Variants in CDKAL1 observed in about 807,000 individuals in gnomAD.
The protein encoded by CDKAL1 is threonylcarbamoyladenosine tRNA methylthiotransferase.
CDKAL1 carries 32 observed loss-of-function variants against 68.2 expected under a neutral mutation model. That is an observed-to-expected ratio of 0.47 (90% CI 0.35 to 0.63). The LOEUF (loss-of-function observed/expected upper bound fraction) is 0.63. Among genes scored for constraint, CDKAL1 ranks in the 30% least tolerant of loss-of-function variants. The probability of loss-of-function intolerance (pLI) is 0.00; values close to 1 mark genes in which losing one functional copy is unlikely to be tolerated. For missense variants in CDKAL1, 606 were observed against 696.7 expected (o/e 0.87, Z 1.47); for synonymous variants, 234 against 244.3 (o/e 0.96, Z 0.39).
At chr6:20,747,001 C>G (rs904904193) in intron 6 of CDKAL1, among the ~76,000 whole-genome samples, 1 of 152,086 alleles carries the variant, frequency 6.6e-6, no homozygotes, top group Non-Finnish European at 1.5e-5. Flanking sequence ...TTTTCTCCCC[C>G]TCCCCACCCC....
chr6:21,205,830 C>CTTTTTTTTTTTTTTTTTTT (rs34849597), intron 15 of CDKAL1, among the ~76,000 whole-genome samples: 3 of 66,602 alleles, frequency 4.5e-5, no homozygotes, highest in African/African-American at 2.6e-4. Context: ...CGCGCCCAGC[C>CTTTTTTTTTTTTTTTTTTT]TTTTTTTTTT....
rs146082721 is a variant in CDKAL1 at position 20,567,997 on chromosome 6, T to A, written c.286+19292T>A. 3.5e-3 allele frequency among the ~76,000 whole-genome samples: 525 copies of A among 152,126 alleles called. 3 individuals are homozygous for A. Among genetic ancestry groups the A allele is most frequent in the African/African-American group, 0.012 (498 of 41,528 alleles). ...TTCACGCCATTCTCTCACCTCAGCC[T>A]CCTAAGTAGCTGGGACCACAGGCGC... On this transcript the variant is annotated intron_variant, in intron 4 of 15. Transcript: ENST00000274695.
At chr6:20,799,045 T>TTTG (rs1776247399) in intron 8 of CDKAL1, among the ~76,000 whole-genome samples, 1 of 104,402 alleles carries the variant, frequency 9.6e-6, no homozygotes, top group African/African-American at 3.9e-5. Flanking sequence ...ACTGAGTTTT[T>TTTG]TTTTTTTTTT....
chr6:21,204,395 T>C (rs115200647), intron 15 of CDKAL1, among the ~76,000 whole-genome samples: 1,720 of 152,324 alleles, frequency 0.011, 35 homozygotes, highest in African/African-American at 0.038. Flanking sequence ...ATTTACATTT[T>C]ATTTCATCTA....
intron 12 of CDKAL1, among the ~76,000 whole-genome samples, chr6:21,093,518 T>C (rs368151030): frequency 5.9e-5 from 9 of 152,070 alleles, no homozygotes; most frequent in Admixed American, 5.9e-4. Context: ...AGCTGGAGAA[T>C]AGACAGATTG....
rs1369336470 is a variant in CDKAL1, at chr6:21,147,800, G to C, written c.1299+39337G>C. 5.0e-5 allele frequency among the ~76,000 whole-genome samples: 7 copies of C among 138,762 alleles called. No homozygotes were observed. The South Asian group carries it at 1.2e-3, about 23-fold the overall frequency. 91.0% of individuals were successfully genotyped at this position (138,762 alleles called of 152,430 possible). A position where few individuals can be genotyped will look rare whatever the true frequency, so the allele number is the denominator to read the frequency against. On this transcript the variant is annotated intron_variant, in intron 13 of 15. Coordinates refer to ENST00000274695, the MANE Select transcript of CDKAL1 (RefSeq NM_017774.3). ...AATCTTTTGCAACAAGCTATAAAAT[G>C]ATTTTTTTTTGTCTTTAATTAAACA...
intron 11 of CDKAL1, among the ~76,000 whole-genome samples, chr6:21,003,371 T>TATATATATACACACACACACACACAC: frequency 2.0e-5 from 1 of 49,304 alleles, no homozygotes; most frequent in African/African-American, 1.1e-4. Context: ...TATATATATA[T>TATATATATACACACACACACACACAC]ACACACACAC....
At chr6:20,546,294 A>G in intron 2 of CDKAL1, 52 bp from the exon 3 acceptor site, 1 of 1,368,812 alleles carries the variant, frequency 7.3e-7, no homozygotes, top group Non-Finnish European at 1.0e-6. Context: ...AAATGATGCT[A>G]CGCTAAGCAG....
At chr6:20,545,622 G>A (rs896921285) in intron 2 of CDKAL1, among the ~76,000 whole-genome samples, 2 of 152,052 alleles carry the variant, frequency 1.3e-5, no homozygotes, top group East Asian at 3.9e-4. Flanking sequence ...TTTTAAAAGA[G>A]ATGGGGTTTC....
In CDKAL1 at chr6:21,113,118, C is replaced by G. The variant is rs368250650; in HGVS notation, c.1299+4655C>G. ...GAGGAACTCCGAAAGTGCAGCTGCC[C>G]AAGACCACTTAATTTGGACCCAAAT... On this transcript the variant is annotated intron_variant, in intron 13 of 15. Coordinates refer to ENST00000274695, the MANE Select transcript of CDKAL1 (RefSeq NM_017774.3). Among the ~76,000 whole-genome samples the G allele has an allele frequency of 6.6e-5, 10 of 152,120 alleles. No homozygotes were observed. In the East Asian group the frequency reaches 9.6e-4, roughly 15 times the overall value.
intron 5 of CDKAL1, among the ~76,000 whole-genome samples, chr6:20,728,699 G>A (rs1220242300): frequency 6.6e-6 from 1 of 152,124 alleles, no homozygotes; most frequent in Non-Finnish European, 1.5e-5. Flanking sequence ...GGGCTAGAAA[G>A]CTTTTGATGT....
chr6:20,848,772 T>G (rs1758836758), intron 9 of CDKAL1, among the ~76,000 whole-genome samples: 1 of 151,852 alleles, frequency 6.6e-6, no homozygotes, highest in Admixed American at 6.6e-5. Context: ...GAAATGTGGT[T>G]GTTTTTTTCT....
chr6:21,131,731 TGTTAA>T (rs1315967987), intron 13 of CDKAL1, among the ~76,000 whole-genome samples: 1 of 152,228 alleles, frequency 6.6e-6, no homozygotes, highest in Non-Finnish European at 1.5e-5. Flanking sequence ...CAGTTAATTA[TGTTAA>T]GTTTTCATCG....
rs116692225 is a variant in CDKAL1, at chr6:21,087,313, C to T, written c.1237-21088C>T. Among the ~76,000 whole-genome samples, 1,088 of 152,134 alleles carry T rather than the reference C, an allele frequency of 7.2e-3. 10 individuals carry two copies. The highest frequency in any genetic ancestry group is 0.024 in the African/African-American group (994 of 41,456). On this transcript the variant is annotated intron_variant, in intron 12 of 15. Transcript: ENST00000274695. ...CTCCTTGTAACTGCCTTCTAAGGAG[C>T]GGGCGCCTAGTTAACTTCAAGTCTT...
intron 11 of CDKAL1, among the ~76,000 whole-genome samples, chr6:21,052,643 G>T (rs549220995): frequency 5.3e-5 from 8 of 151,710 alleles, no homozygotes; most frequent in Non-Finnish European, 7.4e-5. Context: ...AAAGTGCTGG[G>T]ACTACAGGCA....
At chr6:20,718,741 G>C (rs1181763324) in intron 5 of CDKAL1, among the ~76,000 whole-genome samples, 1 of 152,094 alleles carries the variant, frequency 6.6e-6, no homozygotes, top group Non-Finnish European at 1.5e-5. Flanking sequence ...CTGGAGATTA[G>C]CATCTTCTAT....
At position 20,759,456 on chromosome 6, in the gene CDKAL1, T is replaced by C. The variant is rs1277430217; in HGVS notation, c.517+813T>C. 3.9e-5 allele frequency among the ~76,000 whole-genome samples: 6 copies of C among 152,244 alleles called. No individual in the cohort carries two copies. The East Asian group carries it at 9.7e-4, about 25-fold the overall frequency. The stretch of plus-strand genomic sequence containing the variant: ...ACTCAGGAGGCTGAGGTGGGAGGAT[T>C]GCTTGAGGCTGGGAGGTTGAGGCTG... On this transcript the variant is annotated intron_variant, in intron 7 of 15. Coordinates refer to ENST00000274695, the MANE Select transcript of CDKAL1 (RefSeq NM_017774.3).
At chr6:20,536,575 A>G (rs1276966531) in intron 2 of CDKAL1, among the ~76,000 whole-genome samples, 6 of 152,208 alleles carry the variant, frequency 3.9e-5, no homozygotes, top group Admixed American at 2.0e-4. Flanking sequence ...TTATGAAAGA[A>G]TAATTCTGGG....
intron 8 of CDKAL1, among the ~76,000 whole-genome samples, chr6:20,804,762 G>T (rs1776498020): frequency 6.6e-6 from 1 of 152,142 alleles, no homozygotes. Context: ...GGCCATGGGG[G>T]TGAGGTTAAC....
Sources: gnomAD v4.1 joint callset for allele counts (sites outside exome capture counted in the v4.1 genomes callset) on GRCh38, gnomAD v4.1.1 for gene constraint, MANE v1.5 for transcripts, NCBI Gene and HGNC (gene_info 2026-07-23, HGNC 2026-07-21) for gene names.